The following HEATR5A variants were observed in gnomAD, a reference collection of about 807,000 sequenced individuals.
HEATR5A encodes the protein HEAT repeat containing 5A.
Under a neutral mutation model 218.8 loss-of-function variants are expected in HEATR5A, and 178 were observed. That is an observed-to-expected ratio of 0.81 (90% CI 0.72 to 0.92). HEATR5A has a LOEUF of 0.92. Ranked by LOEUF, HEATR5A falls within the 40% of genes least tolerant of loss-of-function variation. HEATR5A has a pLI of 0.00. For missense variants in HEATR5A, 2,420 were observed against 2,418.9 expected (o/e 1.00, Z -0.01); for synonymous variants, 864 against 871.6 (o/e 0.99, Z 0.15).
chr14:31,365,856 G>C (rs1025057553), intron 13 of HEATR5A, among the ~76,000 whole-genome samples: 1 of 151,200 alleles, frequency 6.6e-6, no homozygotes, highest in African/African-American at 2.4e-5. Context: ...GTAGAGATGG[G>C]GTTTCACCAT....
intron 11 of HEATR5A, among the ~76,000 whole-genome samples, chr14:31,376,836 C>G (rs1483697706): frequency 6.6e-6 from 1 of 152,088 alleles, no homozygotes; most frequent in Non-Finnish European, 1.5e-5. Flanking sequence ...GTCTAAAAAT[C>G]ATTCCCAGCT....
At chr14:31,329,213 C>G (rs1900378067) in intron 22 of HEATR5A, among the ~76,000 whole-genome samples, 1 of 152,202 alleles carries the variant, frequency 6.6e-6, no homozygotes, top group Admixed American at 6.5e-5. Context: ...CATTCCACCC[C>G]TGGCCCCTCC....
intron 16 of HEATR5A, among the ~76,000 whole-genome samples, chr14:31,355,182 C>A (rs140643483): frequency 4.5e-4 from 49 of 108,764 alleles, no homozygotes; most frequent in African/African-American, 1.4e-3. Context: ...GGGAGGCTGA[C>A]GGGGGCAGAT....
intron 18 of HEATR5A, among the ~76,000 whole-genome samples, chr14:31,348,759 T>C (rs1023935168): frequency 6.6e-6 from 1 of 152,116 alleles, no homozygotes; most frequent in Non-Finnish European, 1.5e-5. Flanking sequence ...AAAGCTCAAA[T>C]AGCTCTCACA....
At chr14:31,388,747 G>T in intron 7 of HEATR5A, 98 bp downstream of exon 7, 1 of 909,472 alleles carries the variant, frequency 1.1e-6, no homozygotes, top group Non-Finnish European at 1.7e-6. Context: ...GAGCATAAGT[G>T]TTGACCTTGC....
rs1380386578 is a variant in HEATR5A at position 31,334,617 on chromosome 14, T to C, written c.3367+2859A>G. The stretch of plus-strand genomic sequence containing the variant: ...CAGAGTAATCTTTCATGAAAGGAAG[T>C]CAATGGATATGGCAAACTTCATTGC... On this transcript the variant is annotated intron_variant, in intron 22 of 35. Coordinates refer to ENST00000543095, the MANE Select transcript of HEATR5A (RefSeq NM_015473.4). 2.6e-5 allele frequency among the ~76,000 whole-genome samples: 4 copies of C among 152,166 alleles called. No homozygotes were observed. The East Asian group carries it at 7.7e-4, about 29-fold the overall frequency.
chr14:31,374,872 C>T lies in HEATR5A; in HGVS notation c.1805G>A (p.Arg602Gln), dbSNP rs370516053. 55 of 1,613,726 alleles carry T rather than the reference C, an allele frequency of 3.4e-5. No homozygotes were observed. Among genetic ancestry groups the T allele is most frequent in the African/African-American group, 1.1e-4 (8 of 75,036 alleles). ...CACCTGCCATGTAAACGAATCTCCTCGGCTCTTTTCTGTTTCTAGATCTTT... is the reference window on the plus strand; with the variant it reads ...CACCTGCCATGTAAACGAATCTCCTTGGCTCTTTTCTGTTTCTAGATCTTT... ...SPKDLETEKS[R>Q]GDSFTWQVTL... The change falls in exon 12 of 36, where the codon CGA (arginine) becomes CAA (glutamine). Residue 602 changes from arginine to glutamine, a missense_variant. Physicochemically the swap from Arg to Gln is conservative, Grantham distance 43. Coordinates refer to ENST00000543095, the MANE Select transcript of HEATR5A (RefSeq NM_015473.4).
At position 31,400,449 on chromosome 14, in the gene HEATR5A, GGGAGCTGTTCAACAAAGACA is replaced by G. The variant is rs758265110; in HGVS notation, c.170_189del (p.Leu57ProfsTer11). On this transcript the variant is annotated frameshift_variant, in exon 3 of 36. Transcript: ENST00000543095. LOFTEE classifies it high-confidence loss of function. ...AGCAGTTTGCGGGTAGGAGGCCCTG[GGGAGCTGTTCAACAAAGACA>G]GGAGCTGTTCAACAAGAGTCTTCTG... The G allele has an allele frequency of 1.9e-5, 29 of 1,535,790 alleles. No homozygotes were observed. Among genetic ancestry groups the G allele is most frequent in the Admixed American group, 3.9e-5 (2 of 50,936 alleles).
chr14:31,415,338 G>T (rs1164873121), intron 1 of HEATR5A, among the ~76,000 whole-genome samples: 6 of 152,172 alleles, frequency 3.9e-5, no homozygotes, highest in African/African-American at 1.4e-4. Flanking sequence ...CCTTCTGACT[G>T]CCACTTTCAT....
At chr14:31,418,013 G>T (rs1021416649) in intron 1 of HEATR5A, among the ~76,000 whole-genome samples, 12 of 151,972 alleles carry the variant, frequency 7.9e-5, no homozygotes, top group African/African-American at 2.9e-4. Flanking sequence ...TTGGAGACCA[G>T]CTTGGCCAAC....
At chr14:31,387,085 A>C in intron 8 of HEATR5A, 35 bp downstream of exon 8, 1 of 1,605,288 alleles carries the variant, frequency 6.2e-7, no homozygotes, top group South Asian at 1.1e-5. Flanking sequence ...TTCCATTAGC[A>C]CTGTTAAACA....
chr14:31,413,159 G>C (rs960224064), intron 1 of HEATR5A, among the ~76,000 whole-genome samples: 5 of 152,110 alleles, frequency 3.3e-5, no homozygotes, highest in Admixed American at 2.6e-4. Flanking sequence ...GTAGGAACGG[G>C]AAGAATGTTG....
In HEATR5A at chr14:31,323,704, A is replaced by G. The variant is rs542960031; in HGVS notation, c.3648T>C (p.His1216=). 1.9e-5 allele frequency: 30 copies of G among 1,613,754 alleles called. No individual in the cohort carries two copies. The highest frequency in any genetic ancestry group is 2.1e-5 in the Non-Finnish European group (25 of 1,179,778). The change falls in exon 24 of 36, where the codon CAT becomes CAC. Residue 1216 remains histidine (H), a synonymous_variant. Coordinates refer to ENST00000543095, the MANE Select transcript of HEATR5A (RefSeq NM_015473.4). Reference sequence around the variant, plus strand: ...TAGCCCATCGGGGATTGGTAAAAGGATGGGATTTTTCATCACGTCTGGTGG... The same window carrying G: ...TAGCCCATCGGGGATTGGTAAAAGGGTGGGATTTTTCATCACGTCTGGTGG... The part of the protein sequence containing the change: ...VLTTRRDEKS[H]PFTNPRWATR...
At chr14:31,296,843 G>T (rs2139121530) in intron 33 of HEATR5A, 1 of 152,302 alleles carries the variant, frequency 6.6e-6, no homozygotes, top group South Asian at 2.1e-4. Context: ...AATGACATAT[G>T]TAGTAGTTTT....
rs575390821 is a variant in HEATR5A, at chr14:31,358,622, A to G, written c.2411+15T>C. 2.5e-6 allele frequency: 4 copies of G among 1,609,282 alleles called. No individual in the cohort carries two copies. Among genetic ancestry groups the G allele is most frequent in the Middle Eastern group, 1.7e-4 (1 of 6,034 alleles). On this transcript the variant is annotated intron_variant, in intron 16 of 35. Coordinates refer to ENST00000543095, the MANE Select transcript of HEATR5A (RefSeq NM_015473.4). ...TTCTCTATTATCCATTCACTGAACC[A>G]TTGAAGATATTTACCTTTGAGTTTC...
intron 22 of HEATR5A, among the ~76,000 whole-genome samples, chr14:31,334,072 T>C (rs913425065): frequency 1.5e-5 from 2 of 136,430 alleles, no homozygotes; most frequent in African/African-American, 5.3e-5. Flanking sequence ...CTATGCCAAA[T>C]CTGCCTGGAT....
intron 23 of HEATR5A, among the ~76,000 whole-genome samples, chr14:31,325,065 G>A (rs147413785): frequency 6.6e-6 from 1 of 152,290 alleles, no homozygotes; most frequent in Non-Finnish European, 1.5e-5. Context: ...TAAAAGTTGT[G>A]TAGGCGTAGG....
rs1900649354 is a variant in HEATR5A, at chr14:31,336,209, C to CATAT, written c.3367+1266_3367+1267insATAT. Among the ~76,000 whole-genome samples the CATAT allele has an allele frequency of 5.4e-4, 31 of 57,574 alleles. 2 individuals are homozygous for CATAT. Among genetic ancestry groups the CATAT allele is most frequent in the South Asian group, 7.7e-4 (1 of 1,304 alleles). The allele number at this position is 57,574 out of a possible 152,430, so 37.8% of individuals were successfully genotyped here. A position where few individuals can be genotyped will look rare whatever the true frequency, so the allele number is the denominator to read the frequency against. ...GCGCAGGGGGTTATTTTTATATATA[C>CATAT]ATACATACATATATATATATATATA... On this transcript the variant is annotated intron_variant, in intron 22 of 35. Transcript: ENST00000543095.
chr14:31,385,657 T>C (rs1409216562), intron 9 of HEATR5A, among the ~76,000 whole-genome samples: 1 of 152,188 alleles, frequency 6.6e-6, no homozygotes, highest in Non-Finnish European at 1.5e-5. Flanking sequence ...GTAGTGACTG[T>C]ACAGTATAGC....
Sources: gnomAD v4.1 joint callset for allele counts (sites outside exome capture counted in the v4.1 genomes callset) on GRCh38, gnomAD v4.1.1 for gene constraint, MANE v1.5 for transcripts, NCBI Gene and HGNC (gene_info 2026-07-23, HGNC 2026-07-21) for gene names.